MEIS2: variants seen among roughly 807,000 people sequenced by gnomAD.
MEIS2 encodes the protein Meis homeobox 2.
MEIS2 carries 9 observed loss-of-function variants against 58.6 expected under a neutral mutation model. The observed-to-expected ratio is 0.15, with a 90% CI of 0.09 to 0.27. The LOEUF is 0.27. Ranked by LOEUF, MEIS2 falls within the 10% of genes least tolerant of loss-of-function variation. MEIS2 has a pLI of 1.00. For synonymous variants in MEIS2, 221 were observed against 228.4 expected (o/e 0.97, Z 0.29); for missense variants, 427 against 635.0 (o/e 0.67, Z 3.52).
At chr15:37,054,040 C>T (rs533444489) in intron 7 of MEIS2, among the ~76,000 whole-genome samples, 10 of 152,288 alleles carry the variant, frequency 6.6e-5, no homozygotes, top group South Asian at 2.1e-4. Context: ...TCTTGCCTTG[C>T]CTGTAGCACT....
Position 36,971,462 on chromosome 15 carries a change from G to A in MEIS2, c.901-21062C>T, listed in dbSNP as rs555886877. Among the ~76,000 whole-genome samples, 12 of 139,806 alleles carry A rather than the reference G, an allele frequency of 8.6e-5. No homozygotes were observed. The South Asian group carries it at 1.2e-3, about 13-fold the overall frequency. The allele number at this position is 139,806 out of a possible 152,430, so 91.7% of individuals were successfully genotyped here. On this transcript the variant is annotated intron_variant, in intron 8 of 11. Coordinates refer to ENST00000561208, the MANE Select transcript of MEIS2 (RefSeq NM_170675.5). The stretch of plus-strand genomic sequence containing the variant: ...TGAAAGCTGGAAGCTAAATTTGGCC[G>A]TAAGAAACTGGCTTGGAACTTCAGA...
At chr15:36,935,535 G>A (rs895357454) in intron 9 of MEIS2, among the ~76,000 whole-genome samples, 2 of 152,084 alleles carry the variant, frequency 1.3e-5, no homozygotes, top group Admixed American at 1.3e-4. Flanking sequence ...AGGAAAGAGA[G>A]AGCTTTAACT....
intron 9 of MEIS2, among the ~76,000 whole-genome samples, chr15:36,922,424 T>G (rs935088773): frequency 1.3e-5 from 2 of 150,804 alleles, no homozygotes; most frequent in Non-Finnish European, 2.9e-5. Context: ...GTGTGTGTGT[T>G]TGTTTGTTTT....
At chr15:36,925,988 A>T (rs2057731010) in intron 9 of MEIS2, among the ~76,000 whole-genome samples, 1 of 152,236 alleles carries the variant, frequency 6.6e-6, no homozygotes, top group Admixed American at 6.5e-5. Flanking sequence ...TAAGCTGCTT[A>T]TTCGTAAAAA....
intron 1 of MEIS2, 176 bp from the exon 2 acceptor site, chr15:37,098,375 AGGGG>A: frequency 1.0e-5 from 7 of 671,554 alleles, no homozygotes; most frequent in South Asian, 5.8e-5. Flanking sequence ...AAAGGAGGAG[AGGGG>A]GAGAGAGAGA....
intron 7 of MEIS2, among the ~76,000 whole-genome samples, chr15:37,055,974 AAT>A (rs1465126460): frequency 6.6e-6 from 1 of 152,196 alleles, no homozygotes; most frequent in Non-Finnish European, 1.5e-5. Flanking sequence ...CCCATCAGTG[AAT>A]ATCTTTATTA....
At chr15:36,966,759 T>C (rs946524152) in intron 8 of MEIS2, among the ~76,000 whole-genome samples, 3 of 152,174 alleles carry the variant, frequency 2.0e-5, no homozygotes, top group African/African-American at 7.2e-5. Flanking sequence ...ACAAACTTCA[T>C]GAAGACAAAC....
intron 7 of MEIS2, among the ~76,000 whole-genome samples, chr15:37,064,885 T>C (rs1208778988): frequency 2.6e-5 from 4 of 152,226 alleles, no homozygotes; most frequent in Non-Finnish European, 2.9e-5. Context: ...TATTGTCTGG[T>C]ATCATTTCTT....
intron 8 of MEIS2, among the ~76,000 whole-genome samples, chr15:36,969,948 C>T (rs1373409159): frequency 6.6e-6 from 1 of 151,860 alleles, no homozygotes; most frequent in Admixed American, 6.6e-5. Context: ...CTATACAGGG[C>T]CCTTGTCTTC....
At chr15:36,908,696 C>T (rs2056858011) in intron 9 of MEIS2, among the ~76,000 whole-genome samples, 1 of 152,140 alleles carries the variant, frequency 6.6e-6, no homozygotes, top group Admixed American at 6.5e-5. Context: ...AGGCTCACAC[C>T]TGTAATCCCA....
At chr15:36,918,262 T>C (rs150518821) in intron 9 of MEIS2, among the ~76,000 whole-genome samples, 2 of 152,374 alleles carry the variant, frequency 1.3e-5, no homozygotes, top group African/African-American at 4.8e-5. Flanking sequence ...ATGAAGACTA[T>C]GCGATTTGGA....
chr15:36,944,127 C>T (rs1374027363), intron 9 of MEIS2, among the ~76,000 whole-genome samples: 1 of 151,978 alleles, frequency 6.6e-6, no homozygotes, highest in African/African-American at 2.4e-5. Context: ...TACGGTAATG[C>T]TTCCTCTTAT....
intron 8 of MEIS2, among the ~76,000 whole-genome samples, chr15:36,982,255 C>T (rs570696149): frequency 1.3e-5 from 2 of 152,222 alleles, no homozygotes; most frequent in African/African-American, 4.8e-5. Flanking sequence ...CTACAGTTAC[C>T]ATGCTGTACA....
At chr15:36,943,981 T>A (rs550139739) in intron 9 of MEIS2, among the ~76,000 whole-genome samples, 1 of 152,144 alleles carries the variant, frequency 6.6e-6, no homozygotes, top group East Asian at 1.9e-4. Flanking sequence ...CTCTACAAGA[T>A]AGAAGGGTGT....
intron 8 of MEIS2, among the ~76,000 whole-genome samples, chr15:37,034,198 A>G (rs1015578822): frequency 6.6e-6 from 1 of 152,198 alleles, no homozygotes; most frequent in Non-Finnish European, 1.5e-5. Context: ...CTTGAGCAGA[A>G]CCAAAACCTA....
intron 8 of MEIS2, among the ~76,000 whole-genome samples, chr15:37,025,532 C>A (rs1028797436): frequency 1.3e-5 from 2 of 151,980 alleles, no homozygotes; most frequent in African/African-American, 4.8e-5. Context: ...GTAGGAAAGT[C>A]ACTTTTTTTT....
chr15:36,978,492 C>G (rs1050478986), intron 8 of MEIS2, among the ~76,000 whole-genome samples: 2 of 152,154 alleles, frequency 1.3e-5, no homozygotes, highest in Non-Finnish European at 2.9e-5. Flanking sequence ...ATCCTTGCTT[C>G]TTACATGGAT....
At chr15:37,001,384 T>C (rs1017841804) in intron 8 of MEIS2, among the ~76,000 whole-genome samples, 13 of 152,178 alleles carry the variant, frequency 8.5e-5, no homozygotes, top group Non-Finnish European at 1.5e-4. Context: ...GCCCTTTAGT[T>C]CTGCATTTCA....
chr15:37,006,502 G>A (rs2060928616), intron 8 of MEIS2, among the ~76,000 whole-genome samples: 1 of 152,114 alleles, frequency 6.6e-6, no homozygotes, highest in Non-Finnish European at 1.5e-5. Flanking sequence ...AAACTATATT[G>A]TTCACCTTCA....
Sources: gnomAD v4.1 joint callset for allele counts (sites outside exome capture counted in the v4.1 genomes callset) on GRCh38, gnomAD v4.1.1 for gene constraint, MANE v1.5 for transcripts, NCBI Gene and HGNC (gene_info 2026-07-23, HGNC 2026-07-21) for gene names.